The following TANC2 variants were observed in gnomAD, a reference collection of about 807,000 sequenced individuals.
TANC2 encodes protein TANC2.
Under a neutral mutation model 210.5 loss-of-function variants are expected in TANC2, and 26 were observed. The observed-to-expected ratio is 0.12, with a 90% CI of 0.09 to 0.17. TANC2 has a LOEUF of 0.17. Among genes scored for constraint, TANC2 ranks in the 10% least tolerant of loss-of-function variants. TANC2 has a pLI of 1.00. For missense variants in TANC2, 2,129 were observed against 2,608.9 expected, an observed-to-expected ratio of 0.82 and a Z score of 4.01; for synonymous variants, 931 against 967.1, an observed-to-expected ratio of 0.96 and a Z score of 0.69.
intron 7 of TANC2, among the ~76,000 whole-genome samples, chr17:63,229,170 C>T (rs187774847): frequency 2.2e-4 from 34 of 152,196 alleles, no homozygotes; most frequent in Admixed American, 9.2e-4. Context: ...GCCTTTTCTA[C>T]GTCTATTGAA....
chr17:63,400,920 T>C (rs1028761131), intron 19 of TANC2, among the ~76,000 whole-genome samples: 10 of 152,102 alleles, frequency 6.6e-5, no homozygotes, highest in African/African-American at 2.4e-4. Context: ...CCCAAAGTGC[T>C]AGGGTTACAG....
At chr17:63,120,812 T>TAA (rs1448990940) in intron 4 of TANC2, 1 of 34,692 alleles carries the variant, frequency 2.9e-5, no homozygotes, top group Non-Finnish European at 5.4e-5. Context: ...AGACCCTGTC[T>TAA]CAAAAAAAAA....
At chr17:63,157,594 C>A (rs535403179) in intron 5 of TANC2, among the ~76,000 whole-genome samples, 5 of 151,944 alleles carry the variant, frequency 3.3e-5, no homozygotes, top group Admixed American at 2.0e-4. Context: ...AATTACTTAA[C>A]CATGATTTGT....
At chr17:63,053,803 A>G (rs2035669603) in intron 2 of TANC2, among the ~76,000 whole-genome samples, 1 of 152,218 alleles carries the variant, frequency 6.6e-6, no homozygotes, top group African/African-American at 2.4e-5. Context: ...TAGGCCCAAC[A>G]TATTAGAATT....
intron 5 of TANC2, among the ~76,000 whole-genome samples, chr17:63,158,467 A>C (rs1286525283): frequency 1.3e-5 from 2 of 152,248 alleles, no homozygotes; most frequent in Non-Finnish European, 2.9e-5. Context: ...GGAGCAAAGA[A>C]GGGACAGAAA....
At chr17:63,423,294 C>T (rs1021322185) in exon 28 of TANC2, 8 of 152,170 alleles carry the variant, frequency 5.3e-5, no homozygotes, top group African/African-American at 1.9e-4. Flanking sequence ...ATGAGATAGA[C>T]AGCAAGCTTC....
chr17:63,289,013 C>T (rs562946064), intron 9 of TANC2, among the ~76,000 whole-genome samples: 6 of 152,118 alleles, frequency 3.9e-5, no homozygotes, highest in African/African-American at 1.2e-4. Context: ...TATCTTACTC[C>T]CCTCTCTTCT....
At chr17:63,023,457 C>T (rs79367131) in intron 2 of TANC2, among the ~76,000 whole-genome samples, 4,504 of 152,304 alleles carry the variant, frequency 0.03, 84 homozygotes, top group South Asian at 0.037. Context: ...TCTTGCACTT[C>T]AGCCTCCCAC....
intron 8 of TANC2, among the ~76,000 whole-genome samples, chr17:63,254,028 T>C (rs1249468813): frequency 1.3e-5 from 2 of 152,176 alleles, no homozygotes; most frequent in Non-Finnish European, 2.9e-5. Context: ...CTATAAAGAA[T>C]GTGATTATTA....
At chr17:63,325,107 G>A (rs1309356450) in intron 11 of TANC2, among the ~76,000 whole-genome samples, 1 of 151,994 alleles carries the variant, frequency 6.6e-6, no homozygotes, top group Non-Finnish European at 1.5e-5. Context: ...ATGTTGTCCT[G>A]TCTACTATAG....
intron 2 of TANC2, 69 bp from the exon 3 acceptor site, chr17:63,073,874 A>G: frequency 8.0e-7 from 1 of 1,242,626 alleles, no homozygotes; most frequent in Non-Finnish European, 1.1e-6. Context: ...TTAAATGTAG[A>G]TAATGTCAGA....
intron 8 of TANC2, among the ~76,000 whole-genome samples, chr17:63,245,033 G>C (rs1408843457): frequency 6.6e-6 from 1 of 152,100 alleles, no homozygotes; most frequent in Non-Finnish European, 1.5e-5. Flanking sequence ...GTCTTTATTA[G>C]CAGTGTGAAA....
intron 15 of TANC2, among the ~76,000 whole-genome samples, chr17:63,384,368 T>C (rs1006861755): frequency 1.3e-5 from 2 of 152,160 alleles, no homozygotes; most frequent in African/African-American, 4.8e-5. Flanking sequence ...CTTACTAATC[T>C]TTAAAATGGC....
At chr17:63,166,309 CAGAGAG>C (rs143389476) in intron 5 of TANC2, among the ~76,000 whole-genome samples, 21,340 of 149,402 alleles carry the variant, frequency 0.14, 1,896 homozygotes, top group Middle Eastern at 0.22. Flanking sequence ...CTAGATAGCA[CAGAGAG>C]AGAGAGAGAG....
chr17:63,320,856 T>C (rs1249237901), intron 11 of TANC2, among the ~76,000 whole-genome samples: 1 of 152,202 alleles, frequency 6.6e-6, no homozygotes, highest in Non-Finnish European at 1.5e-5. Context: ...GATGATTTCC[T>C]CACCACCATT....
intron 9 of TANC2, among the ~76,000 whole-genome samples, chr17:63,281,276 C>T (rs1216595938): frequency 6.6e-6 from 1 of 152,086 alleles, no homozygotes; most frequent in African/African-American, 2.4e-5. Flanking sequence ...CACAGCTTTA[C>T]TTACTTGAAG....
intron 11 of TANC2, among the ~76,000 whole-genome samples, chr17:63,334,545 T>C (rs1478481831): frequency 6.6e-6 from 1 of 152,060 alleles, no homozygotes; most frequent in Non-Finnish European, 1.5e-5. Context: ...AAGAGGGGAA[T>C]AGAAAATCAC....
intron 7 of TANC2, among the ~76,000 whole-genome samples, chr17:63,218,901 G>GA (rs200466141): frequency 1.6e-4 from 24 of 148,130 alleles, no homozygotes; most frequent in African/African-American, 3.0e-4. Flanking sequence ...TCTCAAAAAA[G>GA]AAAAAAAAAT....
intron 8 of TANC2, among the ~76,000 whole-genome samples, chr17:63,253,120 A>T (rs1443221425): frequency 2.6e-5 from 4 of 152,204 alleles, no homozygotes; most frequent in Admixed American, 6.5e-5. Context: ...CTTTGCCAGC[A>T]TTCATTATTG....
Sources: gnomAD v4.1 joint callset for allele counts (sites outside exome capture counted in the v4.1 genomes callset) on GRCh38, gnomAD v4.1.1 for gene constraint, MANE v1.5 for transcripts, NCBI Gene and HGNC (gene_info 2026-07-23, HGNC 2026-07-21) for gene names.